The following PDE11A variants were observed in gnomAD, a reference collection of about 807,000 sequenced individuals.
PDE11A encodes the protein dual 3',5'-cyclic-AMP and -GMP phosphodiesterase 11A.
In PDE11A, 100 loss-of-function variants were observed where a neutral mutation model predicts 100.5. That is an observed-to-expected ratio of 1.00 (90% CI 0.85 to 1.18). The LOEUF (loss-of-function observed/expected upper bound fraction) is 1.18, where lower values mean the gene tolerates loss of function less well. Ranked by LOEUF, PDE11A falls within the 50% of genes most tolerant of loss-of-function variation. The pLI, the probability that PDE11A is intolerant of heterozygous loss-of-function variation, is 0.00. For missense variants in PDE11A, 1,141 were observed against 1,152.6 expected (o/e 0.99, Z 0.15); for synonymous variants, 381 against 420.8 (o/e 0.91, Z 1.16).
chr2:177,826,933 T>C (rs2083234456), intron 6 of PDE11A, among the ~76,000 whole-genome samples: 1 of 152,192 alleles, frequency 6.6e-6, no homozygotes, highest in South Asian at 2.1e-4. Context: ...CACAGAGCTT[T>C]GTCTCTTAAT....
At chr2:178,014,495 T>C in intron 1 of PDE11A, 35 bp from the exon 2 acceptor site, 1 of 1,570,134 alleles carries the variant, frequency 6.4e-7, no homozygotes, top group East Asian at 2.2e-5. Context: ...TAACTGCATG[T>C]GCATTGTTGT....
intron 1 of PDE11A, among the ~76,000 whole-genome samples, chr2:178,060,319 TG>T (rs1264922194): frequency 1.3e-5 from 2 of 151,948 alleles, no homozygotes; most frequent in African/African-American, 2.4e-5. Flanking sequence ...AGTACATATA[TG>T]GAAAAAAAAT....
At chr2:177,795,243 C>G (rs1055670160) in intron 9 of PDE11A, among the ~76,000 whole-genome samples, 4 of 152,026 alleles carry the variant, frequency 2.6e-5, no homozygotes, top group African/African-American at 7.2e-5. Context: ...GTGGGACACA[C>G]TTTTGGAAAT....
At chr2:177,997,187 G>A (rs1248842733) in intron 2 of PDE11A, 8 of 1,242,746 alleles carry the variant, frequency 6.4e-6, no homozygotes, top group South Asian at 1.3e-5. Context: ...GAATGCTGAT[G>A]TCTTATTCAG....
Position 177,815,765 on chromosome 2 carries a change from C to T in PDE11A, c.1737+1064G>A, listed in dbSNP as rs1574171321. On this transcript the variant is annotated intron_variant, in intron 9 of 19. Coordinates refer to ENST00000286063, the MANE Select transcript of PDE11A (RefSeq NM_016953.4). ...GAGCAGTGCAGGTAACATCAATTTGCCTACTTCTTATATCTGGCTTGACAC... is the reference window on the plus strand; with the variant it reads ...GAGCAGTGCAGGTAACATCAATTTGTCTACTTCTTATATCTGGCTTGACAC... 2.0e-5 allele frequency among the ~76,000 whole-genome samples: 3 copies of T among 152,170 alleles called. No homozygotes were observed. The East Asian group carries it at 5.8e-4, about 29-fold the overall frequency.
chr2:177,675,514 T>C lies in PDE11A; in HGVS notation c.2428A>G (p.Met810Val). The C allele has an allele frequency of 6.2e-7, 1 of 1,613,320 alleles. No homozygotes were observed. The change falls in exon 17 of 20, where the codon ATG becomes GTG. Residue 810 changes from methionine (M) to valine (V), a missense_variant. Transcript: ENST00000286063. Reference protein sequence around the residue: ...IKNHRDIFRSMLMTACDLGAV... With the variant: ...IKNHRDIFRSVLMTACDLGAV... Reference sequence around the variant, plus strand: ...CCAAGGTCACAGGCTGTCATTAACATTGATCTGAAAAACAGAACCAAACAA... The same window carrying C: ...CCAAGGTCACAGGCTGTCATTAACACTGATCTGAAAAACAGAACCAAACAA...
intron 5 of PDE11A, among the ~76,000 whole-genome samples, chr2:177,843,182 CT>C (rs2083518326): frequency 6.6e-6 from 1 of 152,186 alleles, no homozygotes; most frequent in Non-Finnish European, 1.5e-5. Flanking sequence ...GGATATGCTT[CT>C]CTATATTTTA....
chr2:177,713,722 T>TCAAA (rs57320282), intron 12 of PDE11A, among the ~76,000 whole-genome samples: 14,479 of 151,568 alleles, frequency 0.096, 2,274 homozygotes, highest in African/African-American at 0.33. Context: ...AGACTCCATC[T>TCAAA]CAAACAAACA....
At chr2:178,035,030 A>G (rs2086593726) in intron 1 of PDE11A, among the ~76,000 whole-genome samples, 1 of 152,216 alleles carries the variant, frequency 6.6e-6, no homozygotes, top group Non-Finnish European at 1.5e-5. Context: ...AGATCAGAGC[A>G]GAACTGAAGG....
At chr2:177,970,586 A>T (rs2085756920) in intron 2 of PDE11A, among the ~76,000 whole-genome samples, 1 of 152,046 alleles carries the variant, frequency 6.6e-6, no homozygotes. Flanking sequence ...GTAGCATTTG[A>T]GAAGCAAGCA....
At chr2:177,822,465 G>A (rs1257043495) in intron 6 of PDE11A, among the ~76,000 whole-genome samples, 2 of 151,912 alleles carry the variant, frequency 1.3e-5, no homozygotes, top group Non-Finnish European at 2.9e-5. Context: ...CTATCCTTAT[G>A]CCAATACCAC....
At chr2:177,713,337 G>T (rs2081384728) in intron 12 of PDE11A, among the ~76,000 whole-genome samples, 1 of 152,006 alleles carries the variant, frequency 6.6e-6, no homozygotes, top group African/African-American at 2.4e-5. Flanking sequence ...AATAGACTTG[G>T]GTCCACTGCT....
chr2:177,636,535 C>T (rs2080040926), intron 19 of PDE11A, among the ~76,000 whole-genome samples: 1 of 152,148 alleles, frequency 6.6e-6, no homozygotes, highest in Non-Finnish European at 1.5e-5. Flanking sequence ...TTAACACTGT[C>T]ATATAATTTT....
At chr2:178,021,447 GTAGAT>G (rs1374235055) in intron 1 of PDE11A, among the ~76,000 whole-genome samples, 5 of 152,102 alleles carry the variant, frequency 3.3e-5, no homozygotes, top group African/African-American at 1.2e-4. Flanking sequence ...ACATAAATCT[GTAGAT>G]TAATCTTCCA....
intron 9 of PDE11A, among the ~76,000 whole-genome samples, chr2:177,811,180 T>TA (rs1558949897): frequency 1.3e-5 from 2 of 152,180 alleles, no homozygotes; most frequent in Admixed American, 1.3e-4. Flanking sequence ...TTGTGGCTTT[T>TA]AGAAAAAGGT....
At chr2:178,054,541 C>G (rs971931149) in intron 1 of PDE11A, among the ~76,000 whole-genome samples, 1 of 152,048 alleles carries the variant, frequency 6.6e-6, no homozygotes, top group Non-Finnish European at 1.5e-5. Flanking sequence ...CAAAAGAAAC[C>G]ACCATCAGAG....
chr2:177,680,488 T>C (rs1325712411), intron 16 of PDE11A, among the ~76,000 whole-genome samples: 1 of 152,140 alleles, frequency 6.6e-6, no homozygotes, highest in Non-Finnish European at 1.5e-5. Context: ...CTTTGTGCTA[T>C]GTAACTCTGA....
intron 9 of PDE11A, among the ~76,000 whole-genome samples, chr2:177,792,612 A>G (rs950517623): frequency 6.6e-6 from 1 of 152,154 alleles, no homozygotes; most frequent in African/African-American, 2.4e-5. Flanking sequence ...GAATAAGGAG[A>G]GATCAGGCCT....
At chr2:177,862,823 A>G (rs1339317270) in intron 5 of PDE11A, among the ~76,000 whole-genome samples, 1 of 151,982 alleles carries the variant, frequency 6.6e-6, no homozygotes, top group African/African-American at 2.4e-5. Context: ...ACAGAAACAG[A>G]AAAAACCATC....
Sources: gnomAD v4.1 joint callset for allele counts (sites outside exome capture counted in the v4.1 genomes callset) on GRCh38, gnomAD v4.1.1 for gene constraint, MANE v1.5 for transcripts, NCBI Gene and HGNC (gene_info 2026-07-23, HGNC 2026-07-21) for gene names.